RFTN2: variants seen among roughly 807,000 people sequenced by gnomAD.
RFTN2 encodes raftlin-2.
Under a neutral mutation model 52.7 loss-of-function variants are expected in RFTN2, and 34 were observed. That is an observed-to-expected ratio of 0.64 (90% CI 0.49 to 0.86). The LOEUF is 0.86. Among genes scored for constraint, RFTN2 ranks in the 40% least tolerant of loss-of-function variants. RFTN2 has a pLI of 0.00. For synonymous variants in RFTN2, 203 were observed against 217.7 expected, an observed-to-expected ratio of 0.93 and a Z score of 0.59; for missense variants, 536 against 600.1, an observed-to-expected ratio of 0.89 and a Z score of 1.12.
At chr2:197,579,226 TG>T (rs2087466776) in intron 8 of RFTN2, among the ~76,000 whole-genome samples, 1 of 152,182 alleles carries the variant, frequency 6.6e-6, no homozygotes, top group African/African-American at 2.4e-5. Context: ...CTTCACCTAG[TG>T]GCAAGTACCA....
intron 4 of RFTN2, among the ~76,000 whole-genome samples, chr2:197,633,484 C>A (rs551713258): frequency 6.6e-6 from 1 of 152,126 alleles, no homozygotes; most frequent in African/African-American, 2.4e-5. Flanking sequence ...ATCTTCAACA[C>A]AAAGTTTCAT....
At chr2:197,588,355 T>A (rs535695724) in intron 8 of RFTN2, among the ~76,000 whole-genome samples, 2 of 152,342 alleles carry the variant, frequency 1.3e-5, no homozygotes, top group African/African-American at 4.8e-5. Flanking sequence ...TATTCATTTT[T>A]ATTTTTTATT....
At chr2:197,604,688 G>GCATAATT (rs2087930921) in intron 7 of RFTN2, among the ~76,000 whole-genome samples, 1 of 152,176 alleles carries the variant, frequency 6.6e-6, no homozygotes, top group Non-Finnish European at 1.5e-5. Context: ...GGCCAGCTGT[G>GCATAATT]ATGACACAGG....
At chr2:197,591,649 T>C (rs1028714595) in intron 8 of RFTN2, among the ~76,000 whole-genome samples, 4 of 151,606 alleles carry the variant, frequency 2.6e-5, no homozygotes, top group African/African-American at 7.3e-5. Context: ...GAGCCCACGG[T>C]GGTGGAGCGG....
At chr2:197,641,250 CA>C (rs1450474783) in intron 3 of RFTN2, among the ~76,000 whole-genome samples, 8 of 152,202 alleles carry the variant, frequency 5.3e-5, no homozygotes, top group Non-Finnish European at 1.2e-4. Flanking sequence ...GCTTGTGAGG[CA>C]GGAGAATTCT....
At chr2:197,669,639 G>A (rs1000907335) in intron 1 of RFTN2, among the ~76,000 whole-genome samples, 1 of 152,056 alleles carries the variant, frequency 6.6e-6, no homozygotes, top group Non-Finnish European at 1.5e-5. Flanking sequence ...CCTTGCACGC[G>A]CAGTTCACAA....
intron 5 of RFTN2, among the ~76,000 whole-genome samples, chr2:197,627,709 G>C (rs1398530932): frequency 6.6e-6 from 1 of 152,092 alleles, no homozygotes; most frequent in Admixed American, 6.6e-5. Flanking sequence ...TTGGAGGCTG[G>C]GGAAGTGTAG....
intron 7 of RFTN2, among the ~76,000 whole-genome samples, chr2:197,602,920 G>T (rs1005294316): frequency 6.6e-6 from 1 of 152,188 alleles, no homozygotes; most frequent in Non-Finnish European, 1.5e-5. Flanking sequence ...CATGTTCTTT[G>T]TAGGGACATG....
intron 4 of RFTN2, among the ~76,000 whole-genome samples, chr2:197,633,176 A>G (rs970270680): frequency 1.3e-5 from 2 of 152,254 alleles, no homozygotes; most frequent in Non-Finnish European, 2.9e-5. Flanking sequence ...GCTAGCTGGC[A>G]CAGAAGAATA....
chr2:197,633,315 T>C (rs1229572528), intron 4 of RFTN2, among the ~76,000 whole-genome samples: 1 of 152,208 alleles, frequency 6.6e-6, no homozygotes, highest in Non-Finnish European at 1.5e-5. Context: ...GTTAAAACCA[T>C]CCATGAAATG....
In RFTN2 at chr2:197,570,919, C is replaced by G. The variant is rs1559332992; in HGVS notation, c.*1089G>C. The stretch of plus-strand genomic sequence containing the variant: ...ATAAGTTGTAATTCACTTGGAGGTT[C>G]CATCTTTCAAAGTAAGCCTTTCATA... On this transcript the variant is annotated 3_prime_UTR_variant, in exon 9 of 9. Coordinates refer to ENST00000295049, the MANE Select transcript of RFTN2 (RefSeq NM_144629.3). 1 of 152,218 alleles carries G rather than the reference C, an allele frequency of 6.6e-6. No individual in the cohort carries two copies. Among genetic ancestry groups the G allele is most frequent in the Admixed American group, 6.5e-5 (1 of 15,270 alleles). The allele number at this position is 152,218 out of a possible 1,614,324, so 9.4% of individuals were successfully genotyped here.
At chr2:197,612,923 C>T (rs748300019) in intron 7 of RFTN2, among the ~76,000 whole-genome samples, 8 of 152,174 alleles carry the variant, frequency 5.3e-5, no homozygotes, top group Non-Finnish European at 1.0e-4. Flanking sequence ...GCATATAAGA[C>T]AAACACATGT....
At chr2:197,584,434 A>G (rs1285257914) in intron 8 of RFTN2, among the ~76,000 whole-genome samples, 2 of 152,104 alleles carry the variant, frequency 1.3e-5, no homozygotes, top group African/African-American at 4.8e-5. Context: ...GTCTGTTCAT[A>G]TGCTTTGCCC....
chr2:197,610,090 G>T (rs1306873482), intron 7 of RFTN2, among the ~76,000 whole-genome samples: 2 of 152,288 alleles, frequency 1.3e-5, no homozygotes, highest in African/African-American at 4.8e-5. Flanking sequence ...GATTTTCTTG[G>T]CAATGTGGGC....
intron 7 of RFTN2, among the ~76,000 whole-genome samples, chr2:197,596,673 G>C (rs2087797258): frequency 6.6e-6 from 1 of 152,150 alleles, no homozygotes; most frequent in African/African-American, 2.4e-5. Context: ...TGAATACTTA[G>C]GAGTGGGATT....
chr2:197,585,440 G>A (rs937467209), intron 8 of RFTN2, among the ~76,000 whole-genome samples: 1 of 152,070 alleles, frequency 6.6e-6, no homozygotes, highest in Non-Finnish European at 1.5e-5. Context: ...CCACTTTTAA[G>A]TCTCTCTTAA....
At chr2:197,575,792 T>TA (rs1559335140) in intron 8 of RFTN2, among the ~76,000 whole-genome samples, 6 of 141,482 alleles carry the variant, frequency 4.2e-5, no homozygotes, top group Non-Finnish European at 7.6e-5. Context: ...ATATAATATA[T>TA]TATATATATT....
rs2087930300 is a variant in RFTN2, at chr2:197,604,640, G to T, written c.1155-8571C>A. ...AAGTGAATGTGATGGGGAGACACAT[G>T]AGGTGCTTCTAGGGTGTGGGTGATA... is the stretch of plus-strand genomic sequence containing the variant. On this transcript the variant is annotated intron_variant, in intron 7 of 8. Coordinates refer to ENST00000295049, the MANE Select transcript of RFTN2 (RefSeq NM_144629.3). Among the ~76,000 whole-genome samples, 6 of 152,220 alleles carry T rather than the reference G, an allele frequency of 3.9e-5. No homozygotes were observed. The South Asian group carries it at 1.2e-3, about 31-fold the overall frequency.
At position 197,572,077 on chromosome 2, in the gene RFTN2, G is replaced by A. The variant is rs571506205; in HGVS notation, c.1437C>T (p.Asn479=). 1.1e-4 allele frequency: 185 copies of A among 1,614,172 alleles called. 4 individuals carry two copies. In the South Asian group the frequency reaches 1.7e-3, roughly 15 times the overall value. ...GTCCGTCGTCTAATTCCCGGAGGAC[G>A]TTGTCACTGCTGCTGAACCCAGAGA... The part of the protein sequence containing the change: ...NSFSGFSSSD[N]VLRELDDGQF... The change falls in exon 9 of 9, where the codon AAC becomes AAT. Residue 479 remains asparagine, a synonymous_variant. Coordinates refer to ENST00000295049, the MANE Select transcript of RFTN2 (RefSeq NM_144629.3).
Sources: gnomAD v4.1 joint callset for allele counts (sites outside exome capture counted in the v4.1 genomes callset) on GRCh38, gnomAD v4.1.1 for gene constraint, MANE v1.5 for transcripts, NCBI Gene and HGNC (gene_info 2026-07-23, HGNC 2026-07-21) for gene names.